The following TNNI3K variants were observed in gnomAD, a reference collection of about 807,000 sequenced individuals.
TNNI3K encodes the protein serine/threonine-protein kinase TNNI3K.
Under a neutral mutation model 114.5 loss-of-function variants are expected in TNNI3K, and 140 were observed. The observed-to-expected ratio is 1.22, with a 90% CI of 1.07 to 1.41. TNNI3K has a LOEUF of 1.41. Among genes scored for constraint, TNNI3K ranks in the 40% most tolerant of loss-of-function variants. The pLI is 0.00. For missense variants in TNNI3K, 1,125 were observed against 1,007.6 expected (o/e 1.12, Z -1.58); for synonymous variants, 347 against 347.5 (o/e 1.00, Z 0.02).
chr1:74,237,098 A>G (rs1653902176), intron 2 of TNNI3K, among the ~76,000 whole-genome samples: 1 of 151,972 alleles, frequency 6.6e-6, no homozygotes, highest in South Asian at 2.1e-4. Context: ...ATAATTGGCA[A>G]ATAAAATCAC....
intron 23 of TNNI3K, among the ~76,000 whole-genome samples, chr1:74,496,771 T>C (rs1374817150): frequency 6.6e-6 from 1 of 152,192 alleles, no homozygotes; most frequent in African/African-American, 2.4e-5. Flanking sequence ...TAAAATATTT[T>C]GTGCCTCTAG....
Position 74,353,190 on chromosome 1 carries a change from G to A in TNNI3K, c.933-76G>A, listed in dbSNP as rs1446980305. ...ATAACTTCAGCATATGATTTTTCGA[G>A]GTGTAGGGGAGAGGGCACAATTTAG... On this transcript the variant is annotated intron_variant, in intron 9 of 24. Coordinates refer to ENST00000326637, the MANE Select transcript of TNNI3K (RefSeq NM_015978.3). 16 of 1,457,328 alleles carry A rather than the reference G, an allele frequency of 1.1e-5. No homozygotes were observed. In the Admixed American group the frequency reaches 2.1e-4, roughly 19 times the overall value. 90.3% of individuals were successfully genotyped at this position (1,457,328 alleles called of 1,614,324 possible). A position where few individuals can be genotyped will look rare whatever the true frequency, so the allele number is the denominator to read the frequency against.
intron 17 of TNNI3K, among the ~76,000 whole-genome samples, chr1:74,398,747 A>G (rs1266177601): frequency 2.0e-5 from 3 of 152,168 alleles, no homozygotes; most frequent in Non-Finnish European, 4.4e-5. Flanking sequence ...GGGTGCTAAG[A>G]GGAATTATGG....
Position 74,370,379 on chromosome 1 carries a change from C to A in TNNI3K, c.1759C>A (p.Arg587Ser), listed in dbSNP as rs200254775. 6.2e-7 allele frequency: 1 copy of A among 1,605,368 alleles called. No individual in the cohort carries two copies. Among genetic ancestry groups the A allele is most frequent in the Admixed American group, 1.7e-5 (1 of 59,156 alleles). Reference protein sequence around the residue: ...LHNLTQPIIHRDLNSHNILLY... With the variant: ...LHNLTQPIIHSDLNSHNILLY... ...CAACCTGACACAGCCAATTATACAT[C>A]GTGACTTGAACAGGTATTTTTTTCC... The change falls in exon 17 of 25, where the codon CGT becomes AGT. Residue 587 changes from arginine to serine, a missense_variant. Arg to Ser is a moderately radical substitution (Grantham distance 110). Coordinates refer to ENST00000326637, the MANE Select transcript of TNNI3K (RefSeq NM_015978.3).
chr1:74,424,401 T>G (rs1665531997), intron 17 of TNNI3K, among the ~76,000 whole-genome samples: 1 of 151,970 alleles, frequency 6.6e-6, no homozygotes, highest in Admixed American at 6.6e-5. Flanking sequence ...CAGAAAACCC[T>G]TTAAGAATAT....
At chr1:74,440,275 G>T (rs745793459) in intron 20 of TNNI3K, among the ~76,000 whole-genome samples, 2 of 151,950 alleles carry the variant, frequency 1.3e-5, no homozygotes. Flanking sequence ...TCTCTCAATT[G>T]CATTTGGATT....
chr1:74,521,867 T>A (rs563085375), intron 23 of TNNI3K, among the ~76,000 whole-genome samples: 1 of 152,338 alleles, frequency 6.6e-6, no homozygotes, highest in South Asian at 2.1e-4. Flanking sequence ...TTAAAGCCTG[T>A]GCTGGTCTAT....
intron 2 of TNNI3K, among the ~76,000 whole-genome samples, chr1:74,249,224 A>G (rs1425026017): frequency 6.6e-6 from 1 of 151,784 alleles, no homozygotes; most frequent in Non-Finnish European, 1.5e-5. Flanking sequence ...TGGAGCAACT[A>G]TTGGAATCAT....
At chr1:74,320,664 C>G (rs1238145835) in intron 5 of TNNI3K, among the ~76,000 whole-genome samples, 1 of 152,248 alleles carries the variant, frequency 6.6e-6, no homozygotes, top group East Asian at 1.9e-4. Flanking sequence ...CTGCTTGATA[C>G]TCATTAACCA....
At chr1:74,333,569 A>G (rs1019682464) in intron 6 of TNNI3K, among the ~76,000 whole-genome samples, 5 of 152,218 alleles carry the variant, frequency 3.3e-5, no homozygotes, top group African/African-American at 7.2e-5. Context: ...AAATTATGCT[A>G]AAATGTGGAT....
chr1:74,427,304 C>CTTT (rs11463713), intron 17 of TNNI3K, among the ~76,000 whole-genome samples: 58 of 147,200 alleles, frequency 3.9e-4, no homozygotes, highest in African/African-American at 1.4e-3. Context: ...AAGTTGGAAA[C>CTTT]TTTTTTTTTT....
chr1:74,537,900 A>T (rs1557635850), intron 23 of TNNI3K, among the ~76,000 whole-genome samples: 1 of 152,194 alleles, frequency 6.6e-6, no homozygotes, highest in Non-Finnish European at 1.5e-5. Context: ...CTTTAAATTT[A>T]TTAACTCTTT....
chr1:74,250,668 T>TAAGGC lies in TNNI3K; in HGVS notation c.236_240dup. 6.2e-7 allele frequency: 1 copy of TAAGGC among 1,607,554 alleles called. No homozygotes were observed. The highest frequency in any genetic ancestry group is 8.5e-7 in the Non-Finnish European group (1 of 1,178,130). On this transcript the variant is annotated splice_polypyrimidine_tract_variant and splice_region_variant and intron_variant, in intron 3 of 24. Coordinates refer to ENST00000326637, the MANE Select transcript of TNNI3K (RefSeq NM_015978.3). ...TTTAGCCTTTTTTCATTTTTCTCTT[T>TAAGGC]AAGGCAAGAAATCACATATTCGAAC... is the stretch of plus-strand genomic sequence containing the variant.
At chr1:74,413,922 A>G (rs1442889007) in intron 17 of TNNI3K, among the ~76,000 whole-genome samples, 1 of 152,206 alleles carries the variant, frequency 6.6e-6, no homozygotes, top group Non-Finnish European at 1.5e-5. Context: ...TGCATTTAGA[A>G]TGCTTTAAGA....
intron 20 of TNNI3K, among the ~76,000 whole-genome samples, chr1:74,444,486 G>A (rs983055450): frequency 6.6e-6 from 1 of 151,550 alleles, no homozygotes; most frequent in Non-Finnish European, 1.5e-5. Flanking sequence ...AAAAGTGAAG[G>A]ACCTCTTCAA....
Position 74,240,012 on chromosome 1 carries a change from AAGAC to A in TNNI3K, c.149+3806_149+3809del, listed in dbSNP as rs1457850302. 46 of 469,382 alleles carry A rather than the reference AAGAC, an allele frequency of 9.8e-5. 1 individual carries two copies. Among genetic ancestry groups the A allele is most frequent in the Admixed American group, 9.7e-4 (41 of 42,444 alleles). 29.1% of individuals were successfully genotyped at this position (469,382 alleles called of 1,614,324 possible). On this transcript the variant is annotated intron_variant, in intron 2 of 24. Transcript: ENST00000326637. ...AAAAGAGAAGGCAGGAGGAGAAAGAAAGACAGAAAGGGCACCTTAGAGTACCATT... is the reference window on the plus strand; with the variant it reads ...AAAAGAGAAGGCAGGAGGAGAAAGAAAGAAAGGGCACCTTAGAGTACCATT...
intron 7 of TNNI3K, among the ~76,000 whole-genome samples, chr1:74,338,103 A>C (rs565713400): frequency 6.6e-6 from 1 of 152,238 alleles, no homozygotes; most frequent in East Asian, 1.9e-4. Context: ...TCGAAAGGTA[A>C]TAATGCATAT....
At chr1:74,393,678 A>G (rs986942154) in intron 17 of TNNI3K, among the ~76,000 whole-genome samples, 2 of 152,170 alleles carry the variant, frequency 1.3e-5, no homozygotes, top group Non-Finnish European at 2.9e-5. Context: ...TTTTGGCACC[A>G]GGGAGCAGTT....
chr1:74,467,826 G>A (rs1005361666), intron 21 of TNNI3K, among the ~76,000 whole-genome samples: 5 of 152,110 alleles, frequency 3.3e-5, no homozygotes, highest in Admixed American at 6.6e-5. Context: ...TAAGTTTACT[G>A]AATTAAAATC....
Sources: gnomAD v4.1 joint callset for allele counts (sites outside exome capture counted in the v4.1 genomes callset) on GRCh38, gnomAD v4.1.1 for gene constraint, MANE v1.5 for transcripts, NCBI Gene and HGNC (gene_info 2026-07-23, HGNC 2026-07-21) for gene names.